Variants in CFAP210 observed in about 807,000 individuals in gnomAD.
CFAP210 encodes cilia- and flagella- associated protein 210.
chr2:169,665,326 T>C, the CFAP210 span, among the ~76,000 whole-genome samples: 12 of 152,256 alleles, frequency 7.9e-5, no homozygotes, highest in Non-Finnish European at 1.6e-4. Context: ...CACTCTGTCA[T>C]CCAGGCTGGA....
the CFAP210 span, among the ~76,000 whole-genome samples, chr2:169,659,619 A>G: frequency 1.3e-5 from 2 of 152,164 alleles, no homozygotes; most frequent in Non-Finnish European, 2.9e-5. Flanking sequence ...CACCTCCAAC[A>G]CTTGGGATCA....
At chr2:169,670,687 AC>A in the CFAP210 span, among the ~76,000 whole-genome samples, 1 of 152,034 alleles carries the variant, frequency 6.6e-6, no homozygotes, top group Non-Finnish European at 1.5e-5. Context: ...TGCCACATGG[AC>A]CTCTCCATTG....
the CFAP210 span, among the ~76,000 whole-genome samples, chr2:169,647,639 CAGA>C: frequency 2.0e-4 from 31 of 152,096 alleles, no homozygotes; most frequent in Non-Finnish European, 3.1e-4. Context: ...ACAAGTAAAT[CAGA>C]AGGATTCCAA....
At chr2:169,682,931 A>G in the CFAP210 span, among the ~76,000 whole-genome samples, 156 of 152,338 alleles carry the variant, frequency 1.0e-3, no homozygotes, top group Non-Finnish European at 1.9e-3. Context: ...CGCCTGGTAC[A>G]TAATATGTTC....
chr2:169,661,144 A>T, the CFAP210 span: 3 of 570,764 alleles, frequency 5.3e-6, no homozygotes, highest in Non-Finnish European at 1.0e-5. Context: ...CAATTCATAA[A>T]ATTTCTTTAA....
the CFAP210 span, among the ~76,000 whole-genome samples, chr2:169,684,315 T>C: frequency 1.3e-5 from 2 of 152,236 alleles, no homozygotes; most frequent in Non-Finnish European, 2.9e-5. Context: ...ATCTTTTTAT[T>C]GAGTTATAAT....
chr2:169,655,177 G>T, the CFAP210 span, among the ~76,000 whole-genome samples: 1 of 152,108 alleles, frequency 6.6e-6, no homozygotes, highest in East Asian at 1.9e-4. Flanking sequence ...GGTGTCTGTT[G>T]CCCAGGGTGC....
the CFAP210 span, among the ~76,000 whole-genome samples, chr2:169,691,521 G>A: frequency 2.6e-3 from 391 of 151,880 alleles, 3 homozygotes; most frequent in African/African-American, 8.8e-3. Flanking sequence ...CATCCTCCCC[G>A]CCACTTCCAC....
At chr2:169,684,513 G>A in the CFAP210 span, among the ~76,000 whole-genome samples, 1 of 152,070 alleles carries the variant, frequency 6.6e-6, no homozygotes, top group African/African-American at 2.4e-5. Flanking sequence ...CTGGCTCTAC[G>A]GATTTGCCCA....
chr2:169,686,332 C>CA, the CFAP210 span, among the ~76,000 whole-genome samples: 4 of 152,080 alleles, frequency 2.6e-5, no homozygotes, highest in African/African-American at 9.7e-5. Context: ...TCAATATCAA[C>CA]AAAAAAGCCA....
chr2:169,683,270 G>C, the CFAP210 span, among the ~76,000 whole-genome samples: 19,292 of 152,128 alleles, frequency 0.13, 1,344 homozygotes, highest in South Asian at 0.25. Context: ...TGACTCTTTA[G>C]TTGCAAATGA....
At chr2:169,648,414 C>T in the CFAP210 span, among the ~76,000 whole-genome samples, 1 of 151,096 alleles carries the variant, frequency 6.6e-6, no homozygotes, top group Non-Finnish European at 1.5e-5. Flanking sequence ...TGCCTCTGAA[C>T]TGTACACTTA....
chr2:169,662,128 C>T, the CFAP210 span, among the ~76,000 whole-genome samples: 289 of 152,278 alleles, frequency 1.9e-3, 5 homozygotes, highest in Non-Finnish European at 1.6e-3. Flanking sequence ...TGACAGATAA[C>T]CTAAATTCCC....
At chr2:169,656,123 C>CA in the CFAP210 span, among the ~76,000 whole-genome samples, 2 of 151,980 alleles carry the variant, frequency 1.3e-5, no homozygotes, top group African/African-American at 4.8e-5. Flanking sequence ...ACCATCTCTA[C>CA]AAAAAAGACC....
At chr2:169,662,411 C>A in the CFAP210 span, 35 of 1,595,706 alleles carry the variant, frequency 2.2e-5, no homozygotes, top group Non-Finnish European at 2.9e-5. Flanking sequence ...TTCCTTCTTT[C>A]CTCTTCTTCC....
the CFAP210 span, among the ~76,000 whole-genome samples, chr2:169,691,326 T>C: frequency 6.6e-6 from 1 of 152,242 alleles, no homozygotes; most frequent in African/African-American, 2.4e-5. Flanking sequence ...CTTAATACTT[T>C]TCTATAGTTC....
At chr2:169,680,473 T>C in the CFAP210 span, among the ~76,000 whole-genome samples, 1 of 152,234 alleles carries the variant, frequency 6.6e-6, no homozygotes, top group Non-Finnish European at 1.5e-5. Context: ...GCAGCTTTGT[T>C]TGTAATAGCC....
chr2:169,686,986 G>A, the CFAP210 span, among the ~76,000 whole-genome samples: 26 of 152,252 alleles, frequency 1.7e-4, no homozygotes, highest in East Asian at 5.0e-3. Context: ...GAGGCAAAAG[G>A]CACTTCTTAC....
the CFAP210 span, among the ~76,000 whole-genome samples, chr2:169,679,680 CAAA>C: frequency 3.5e-5 from 2 of 57,492 alleles, no homozygotes; most frequent in Non-Finnish European, 6.1e-5. Context: ...GACTCCATCT[CAAA>C]AAAAAAAAAA....
Sources: gnomAD v4.1 joint callset for allele counts (sites outside exome capture counted in the v4.1 genomes callset) on GRCh38, gnomAD v4.1.1 for gene constraint, MANE v1.5 for transcripts, NCBI Gene and HGNC (gene_info 2026-07-23, HGNC 2026-07-21) for gene names.